The following CYLC2 variants were observed in gnomAD, a reference collection of about 807,000 sequenced individuals.
CYLC2 encodes the protein cylicin-2.
In CYLC2, 30 loss-of-function variants were observed where a neutral mutation model predicts 26.1. That is an observed-to-expected ratio of 1.15 (90% CI 0.86 to 1.56). The LOEUF is 1.56. Ranked by LOEUF, CYLC2 falls within the 40% of genes most tolerant of loss-of-function variation. The pLI is 0.00. For synonymous variants in CYLC2, 158 were observed against 132.8 expected (o/e 1.19, Z -1.31); for missense variants, 498 against 394.4 (o/e 1.26, Z -2.23).
At chr9:103,007,582 A>C (rs1167928681) in intron 5 of CYLC2, among the ~76,000 whole-genome samples, 1 of 152,168 alleles carries the variant, frequency 6.6e-6, no homozygotes, top group East Asian at 1.9e-4. Flanking sequence ...GTTGTGACCC[A>C]TAAGTCCTGT....
chr9:102,999,065 TTGCTATGAACATTTTTGTCTAAG>T (rs1829263536), intron 1 of CYLC2, among the ~76,000 whole-genome samples: 1 of 151,912 alleles, frequency 6.6e-6, no homozygotes, highest in Non-Finnish European at 1.5e-5. Flanking sequence ...GTGAATAAAA[TTGCTATGAACATTTTTGTCTAAG>T]TCTTTCTGTG....
At chr9:102,997,034 G>GT (rs1564095698) in intron 1 of CYLC2, among the ~76,000 whole-genome samples, 1 of 151,674 alleles carries the variant, frequency 6.6e-6, no homozygotes, top group African/African-American at 2.4e-5. Context: ...TCCCAATCTC[G>GT]TATCTAATGT....
intron 5 of CYLC2, among the ~76,000 whole-genome samples, chr9:103,011,424 T>G (rs1312452684): frequency 1.3e-5 from 2 of 152,144 alleles, no homozygotes; most frequent in East Asian, 3.9e-4. Context: ...AGTAACTTAC[T>G]GAATTTTGGT....
At chr9:103,014,623 A>ACGCAG (rs1349554004) in intron 6 of CYLC2, among the ~76,000 whole-genome samples, 5 of 143,124 alleles carry the variant, frequency 3.5e-5, no homozygotes, top group Admixed American at 1.4e-4. Context: ...TATGTATATT[A>ACGCAG]TGCAGTATAC....
intron 6 of CYLC2, among the ~76,000 whole-genome samples, chr9:103,014,043 C>G (rs1246918265): frequency 8.8e-6 from 1 of 113,948 alleles, no homozygotes; most frequent in Non-Finnish European, 1.6e-5. Context: ...TATATACATA[C>G]TTTATATATC....
chr9:102,998,584 T>A (rs1829259318), intron 1 of CYLC2, among the ~76,000 whole-genome samples: 1 of 151,918 alleles, frequency 6.6e-6, no homozygotes, highest in Non-Finnish European at 1.5e-5. Flanking sequence ...ATCACACACA[T>A]TTGCATAGTC....
intron 6 of CYLC2, among the ~76,000 whole-genome samples, chr9:103,014,713 A>G (rs774580650): frequency 2.2e-4 from 26 of 116,624 alleles, no homozygotes; most frequent in Non-Finnish European, 2.1e-4. Flanking sequence ...ATATTATGCA[A>G]TATACATATG....
chr9:103,018,101 T>C (rs745421456), intron 7 of CYLC2, among the ~76,000 whole-genome samples: 1 of 152,048 alleles, frequency 6.6e-6, no homozygotes, highest in Non-Finnish European at 1.5e-5. Flanking sequence ...TTAGTTTTAA[T>C]CACTCAGAAA....
intron 7 of CYLC2, among the ~76,000 whole-genome samples, chr9:103,017,634 T>A (rs1572918): frequency 0.67 from 101,216 of 151,834 alleles, 34,031 homozygotes; most frequent in South Asian, 0.82. Flanking sequence ...TATCAATTGG[T>A]CCCTCTGTAA....
At position 103,005,862 on chromosome 9, in the gene CYLC2, G is replaced by T. The variant is rs1388185025; in HGVS notation, c.*184G>T. 2.0e-5 allele frequency: 13 copies of T among 635,312 alleles called. No individual in the cohort carries two copies. Among genetic ancestry groups the T allele is most frequent in the Admixed American group, 2.9e-5 (1 of 34,902 alleles). The allele number at this position is 635,312 out of a possible 1,614,324, so 39.4% of individuals were successfully genotyped here. ...GAGATTTATAAAAATATATAAGAAA[G>T]ATGTTAAGAAAAATTAAGGGGGGAT... On this transcript the variant is annotated 3_prime_UTR_variant, in exon 5 of 8. Coordinates refer to ENST00000374798, the MANE Select transcript of CYLC2 (RefSeq NM_001340.5).
chr9:102,995,463 T>C, intron 1 of CYLC2, 66 bp downstream of exon 1: 1 of 1,163,146 alleles, frequency 8.6e-7, no homozygotes, highest in Non-Finnish European at 1.3e-6. Flanking sequence ...ACTTCTTTAG[T>C]ATGAAGAGAT....
At chr9:103,002,930 T>C (rs1170599298) in intron 2 of CYLC2, among the ~76,000 whole-genome samples, 3 of 152,196 alleles carry the variant, frequency 2.0e-5, no homozygotes, top group African/African-American at 4.8e-5. Context: ...GACTACTTTA[T>C]ACAGTCATCT....
intron 5 of CYLC2, among the ~76,000 whole-genome samples, chr9:103,009,284 A>T (rs1340784806): frequency 6.6e-6 from 1 of 152,008 alleles, no homozygotes; most frequent in Non-Finnish European, 1.5e-5. Context: ...AGCTCACTGC[A>T]GCCTCAACCT....
intron 5 of CYLC2, among the ~76,000 whole-genome samples, chr9:103,010,394 T>C (rs746274521): frequency 8.5e-5 from 13 of 152,126 alleles, no homozygotes; most frequent in Admixed American, 2.0e-4. Flanking sequence ...TTTACTACTA[T>C]TTGCTAAACG....
At chr9:103,001,701 C>A (rs1829290886) in intron 2 of CYLC2, 83 bp downstream of exon 2, 4 of 840,740 alleles carry the variant, frequency 4.8e-6, no homozygotes, top group African/African-American at 1.7e-5. Context: ...AGTGATAAAG[C>A]AAACATTGCC....
chr9:103,012,260 C>CT (rs940792648), intron 6 of CYLC2, among the ~76,000 whole-genome samples, 163 bp downstream of exon 6: 23 of 151,968 alleles, frequency 1.5e-4, no homozygotes, highest in Admixed American at 3.9e-4. Flanking sequence ...TGTGCCCTGC[C>CT]TTTAATACAG....
intron 1 of CYLC2, among the ~76,000 whole-genome samples, chr9:102,996,181 T>G (rs1829235300): frequency 6.6e-6 from 1 of 151,926 alleles, no homozygotes. Flanking sequence ...GTGCCCATTT[T>G]GTTATAAAAC....
intron 6 of CYLC2, among the ~76,000 whole-genome samples, chr9:103,012,862 A>C (rs1356246394): frequency 6.6e-6 from 1 of 151,526 alleles, no homozygotes; most frequent in Non-Finnish European, 1.5e-5. Flanking sequence ...CGGTAGGCAA[A>C]ATCAAAGATT....
chr9:103,001,498 G>A, intron 1 of CYLC2, 80 bp from the exon 2 acceptor site: 1 of 780,192 alleles, frequency 1.3e-6, no homozygotes, highest in South Asian at 1.6e-5. Flanking sequence ...TTGGTTGCAG[G>A]TACTGGAGTA....
Sources: allele counts gnomAD v4.1 joint callset (sites outside exome capture counted in the v4.1 genomes callset), GRCh38; gene constraint gnomAD v4.1.1; transcripts MANE v1.5; gene names NCBI Gene and HGNC (gene_info 2026-07-23, HGNC 2026-07-21).